Variants in PIK3R3 observed in about 807,000 individuals in gnomAD.
PIK3R3 encodes the protein phosphatidylinositol 3-kinase regulatory subunit gamma.
A neutral mutation model predicts 62.9 loss-of-function variants in PIK3R3; 64 were observed. That is an observed-to-expected ratio of 1.02 (90% CI 0.83 to 1.25). The LOEUF (loss-of-function observed/expected upper bound fraction) is 1.25, where lower values mean the gene tolerates loss of function less well. Ranked by LOEUF, PIK3R3 falls within the 50% of genes most tolerant of loss-of-function variation. PIK3R3 has a pLI of 0.00. For synonymous variants in PIK3R3, 165 were observed against 189.0 expected (o/e 0.87, Z 1.04); for missense variants, 614 against 561.6 (o/e 1.09, Z -0.94).
At chr1:46,074,293 A>AAG in intron 3 of PIK3R3, among the ~76,000 whole-genome samples, 1 of 132,596 alleles carries the variant, frequency 7.5e-6, no homozygotes, top group East Asian at 2.3e-4. Context: ...CGTCAAAAAA[A>AAG]AAAAAAAAAA....
intron 1 of PIK3R3, among the ~76,000 whole-genome samples, chr1:46,130,606 A>C (rs771807112): frequency 1.3e-5 from 2 of 152,152 alleles, no homozygotes; most frequent in Non-Finnish European, 1.5e-5. Flanking sequence ...AGGACACAGG[A>C]AACAATTTCT....
chr1:46,121,441 C>T (rs930088494), intron 1 of PIK3R3, among the ~76,000 whole-genome samples: 2 of 152,030 alleles, frequency 1.3e-5, no homozygotes, highest in Non-Finnish European at 1.5e-5. Context: ...AGACCTTTTT[C>T]AGAGCAATTT....
chr1:46,089,447 G>A (rs1272555017), intron 1 of PIK3R3, among the ~76,000 whole-genome samples: 8 of 152,104 alleles, frequency 5.3e-5, no homozygotes, highest in African/African-American at 7.2e-5. Flanking sequence ...CAGGTGTGGT[G>A]GCTCACGCCT....
intron 7 of PIK3R3, among the ~76,000 whole-genome samples, chr1:46,050,668 T>A (rs770249685): frequency 5.9e-5 from 9 of 152,180 alleles, no homozygotes; most frequent in South Asian, 2.1e-4. Flanking sequence ...TACACAATGA[T>A]AATTACCATA....
intron 1 of PIK3R3, among the ~76,000 whole-genome samples, chr1:46,093,584 T>C (rs1651837588): frequency 6.6e-6 from 1 of 152,118 alleles, no homozygotes; most frequent in African/African-American, 2.4e-5. Flanking sequence ...ACTAAGAACA[T>C]AAATTATTAT....
At chr1:46,054,644 C>G (rs530429459) in intron 7 of PIK3R3, among the ~76,000 whole-genome samples, 2 of 152,066 alleles carry the variant, frequency 1.3e-5, no homozygotes, top group Non-Finnish European at 2.9e-5. Flanking sequence ...TATTCGTTAC[C>G]CAGAACTAAG....
rs200277706 is a variant in PIK3R3 at position 46,043,797 on chromosome 1, A to G, written c.1262T>C (p.Leu421Pro). ...CACTAGCTCCTTCAGAGAGCTGTAC[A>G]GGTTGTAGGGCTCTGCAAAGCCATA... ...RGYGFAEPYN[L>P]YSSLKELVLH... Residue 421 changes from leucine to proline, a missense_variant, in exon 10 of 10, where the codon CTG becomes CCG. Physicochemically the swap from Leu to Pro is moderately conservative, Grantham distance 98. Transcript: ENST00000262741. 109 of 1,614,044 alleles carry G rather than the reference A, an allele frequency of 6.8e-5. No homozygotes were observed. The highest frequency in any genetic ancestry group is 6.7e-5 in the Non-Finnish European group (79 of 1,180,002).
intron 1 of PIK3R3, among the ~76,000 whole-genome samples, chr1:46,127,329 T>A (rs538726725): frequency 1.6e-5 from 2 of 125,518 alleles, no homozygotes; most frequent in Non-Finnish European, 3.3e-5. Context: ...GCAACAAAGG[T>A]GAGACCCTGC....
At chr1:46,156,700 G>A in the PIK3R3 span, among the ~76,000 whole-genome samples, 1 of 152,074 alleles carries the variant, frequency 6.6e-6, no homozygotes, top group Non-Finnish European at 1.5e-5. Flanking sequence ...CATGCACACA[G>A]GCCCAAGCGC....
At chr1:46,074,286 C>CAAAAAAAAAAAAAAAA (rs1179172400) in intron 3 of PIK3R3, among the ~76,000 whole-genome samples, 1 of 20,826 alleles carries the variant, frequency 4.8e-5, no homozygotes, top group Non-Finnish European at 8.7e-5. Context: ...TAGACTCCGT[C>CAAAAAAAAAAAAAAAA]AAAAAAAAAA....
intron 3 of PIK3R3, among the ~76,000 whole-genome samples, chr1:46,070,944 C>T (rs1192607931): frequency 1.3e-5 from 2 of 152,096 alleles, no homozygotes; most frequent in African/African-American, 4.8e-5. Flanking sequence ...TACTATTTAC[C>T]AATTTAAAAA....
intron 1 of PIK3R3, among the ~76,000 whole-genome samples, chr1:46,091,894 A>G (rs1651671273): frequency 6.6e-6 from 1 of 152,196 alleles, no homozygotes; most frequent in Non-Finnish European, 1.5e-5. Flanking sequence ...GGCTATGTAA[A>G]TAATTGTTAT....
chr1:46,130,962 A>G (rs927407915), intron 1 of PIK3R3, among the ~76,000 whole-genome samples: 1 of 152,232 alleles, frequency 6.6e-6, no homozygotes, highest in Admixed American at 6.5e-5. Flanking sequence ...CTTTCCTACC[A>G]GATACACAAA....
chr1:46,128,628 T>C (rs1655297789), intron 1 of PIK3R3, among the ~76,000 whole-genome samples: 1 of 152,224 alleles, frequency 6.6e-6, no homozygotes, highest in Non-Finnish European at 1.5e-5. Context: ...CCTTATTTAC[T>C]AATTAAACAT....
the PIK3R3 span, among the ~76,000 whole-genome samples, chr1:46,168,795 G>A: frequency 6.6e-6 from 1 of 152,112 alleles, no homozygotes; most frequent in South Asian, 2.1e-4. Flanking sequence ...GGGATGGTGG[G>A]GAGGGTGAAC....
At chr1:46,056,063 T>TC (rs1647876535) in intron 6 of PIK3R3, 92 bp from the exon 7 acceptor site, 7 of 762,092 alleles carry the variant, frequency 9.2e-6, no homozygotes, top group Non-Finnish European at 1.4e-5. Context: ...TTTTTTTTTT[T>TC]CCCTTGAGAT....
upstream of PIK3R3, chr1:46,132,945 A>G (rs1655757076): frequency 2.6e-6 from 3 of 1,152,396 alleles, no homozygotes; most frequent in South Asian, 1.7e-5. Flanking sequence ...GCCGCACTCC[A>G]GGAGTCAGTG....
intron 1 of PIK3R3, among the ~76,000 whole-genome samples, chr1:46,105,539 G>A (rs142506625): frequency 6.6e-6 from 1 of 151,988 alleles, no homozygotes; most frequent in Non-Finnish European, 1.5e-5. Flanking sequence ...TCATCAGCTG[G>A]AAACAGTGGC....
chr1:46,137,777 G>C (rs1331566424), upstream of PIK3R3, among the ~76,000 whole-genome samples: 2 of 152,174 alleles, frequency 1.3e-5, no homozygotes, highest in East Asian at 1.9e-4. Context: ...GCACACAGTG[G>C]GTAGCCAGTG....
Sources: gnomAD v4.1 joint callset for allele counts (sites outside exome capture counted in the v4.1 genomes callset) on GRCh38, gnomAD v4.1.1 for gene constraint, MANE v1.5 for transcripts, NCBI Gene and HGNC (gene_info 2026-07-23, HGNC 2026-07-21) for gene names.